ATP10B: variants seen among roughly 807,000 people sequenced by gnomAD.
ATP10B encodes the protein ATPase phospholipid transporting 10B (putative).
A neutral mutation model predicts 141.2 loss-of-function variants in ATP10B; 122 were observed. The observed-to-expected ratio is 0.86, with a 90% CI of 0.75 to 1.00. The LOEUF (loss-of-function observed/expected upper bound fraction) is 1.00, where lower values mean the gene tolerates loss of function less well. Among genes scored for constraint, ATP10B ranks in the 50% least tolerant of loss-of-function variants. ATP10B has a pLI of 0.00. For missense variants in ATP10B, 1,876 were observed against 1,825.3 expected, an observed-to-expected ratio of 1.03 and a Z score of -0.51; for synonymous variants, 685 against 692.0, an observed-to-expected ratio of 0.99 and a Z score of 0.16.
intron 1 of ATP10B, among the ~76,000 whole-genome samples, chr5:160,813,014 T>C (rs1773282870): frequency 6.6e-6 from 1 of 152,194 alleles, no homozygotes; most frequent in Non-Finnish European, 1.5e-5. Context: ...AATAGCAAGA[T>C]GGCCAAATAG....
chr5:160,588,087 AT>A (rs1756030707), intron 24 of ATP10B, among the ~76,000 whole-genome samples: 1 of 152,086 alleles, frequency 6.6e-6, no homozygotes, highest in Non-Finnish European at 1.5e-5. Flanking sequence ...TCACCTTGTG[AT>A]CTGCCCACCT....
At chr5:160,849,308 A>G (rs1332870147) in intron 1 of ATP10B, among the ~76,000 whole-genome samples, 2 of 152,138 alleles carry the variant, frequency 1.3e-5, no homozygotes, top group African/African-American at 4.8e-5. Flanking sequence ...TCAGATTGAT[A>G]CTGCACCATA....
intron 1 of ATP10B, among the ~76,000 whole-genome samples, chr5:160,824,545 A>G (rs142687996): frequency 1.1e-3 from 170 of 152,300 alleles, no homozygotes; most frequent in Non-Finnish European, 1.7e-3. Context: ...TTGTGTGTAC[A>G]TTATGGAGTG....
At chr5:160,913,505 A>G in the ATP10B span, among the ~76,000 whole-genome samples, 1 of 152,172 alleles carries the variant, frequency 6.6e-6, no homozygotes, top group South Asian at 2.1e-4. Context: ...TGCATTTACA[A>G]GTGTCCTCCC....
At chr5:160,860,011 A>G in the ATP10B span, among the ~76,000 whole-genome samples, 3 of 151,840 alleles carry the variant, frequency 2.0e-5, no homozygotes, top group East Asian at 3.9e-4. Context: ...GAATAAATGT[A>G]TATTACTCTT....
the ATP10B span, among the ~76,000 whole-genome samples, chr5:160,864,693 AG>A: frequency 6.6e-6 from 1 of 152,052 alleles, no homozygotes; most frequent in Non-Finnish European, 1.5e-5. Context: ...TTATCCAAAA[AG>A]CTCAGACCTG....
chr5:160,605,882 C>A (rs1240234930), intron 19 of ATP10B, among the ~76,000 whole-genome samples: 1 of 152,182 alleles, frequency 6.6e-6, no homozygotes, highest in Non-Finnish European at 1.5e-5. Flanking sequence ...GAGGCCATCA[C>A]AGAAGGTATG....
the ATP10B span, among the ~76,000 whole-genome samples, chr5:160,893,062 A>T: frequency 7.2e-5 from 11 of 152,248 alleles, no homozygotes; most frequent in East Asian, 2.1e-3. Flanking sequence ...AGACCAGGAG[A>T]TTCCCTCGGG....
At chr5:160,858,537 G>T in the ATP10B span, among the ~76,000 whole-genome samples, 1 of 151,858 alleles carries the variant, frequency 6.6e-6, no homozygotes, top group East Asian at 1.9e-4. Context: ...GGAGGAAAAA[G>T]GCAGGCTGCA....
At chr5:160,750,877 A>G (rs1768107898) in intron 2 of ATP10B, among the ~76,000 whole-genome samples, 1 of 152,136 alleles carries the variant, frequency 6.6e-6, no homozygotes, top group South Asian at 2.1e-4. Context: ...GGGCCTCTGC[A>G]TGGTTCACTC....
At chr5:160,811,799 G>A (rs1444327703) in intron 1 of ATP10B, among the ~76,000 whole-genome samples, 1 of 152,160 alleles carries the variant, frequency 6.6e-6, no homozygotes, top group Non-Finnish European at 1.5e-5. Context: ...ATACAAACCT[G>A]GCTGCCATTG....
chr5:160,695,015 GCTGA>G (rs1327020011), intron 3 of ATP10B, among the ~76,000 whole-genome samples: 1 of 152,202 alleles, frequency 6.6e-6, no homozygotes, highest in Non-Finnish European at 1.5e-5. Context: ...TATAGAAAGG[GCTGA>G]AGAAAGCAGA....
At chr5:160,730,181 A>G (rs1306364129) in intron 2 of ATP10B, among the ~76,000 whole-genome samples, 1 of 152,166 alleles carries the variant, frequency 6.6e-6, no homozygotes, top group Non-Finnish European at 1.5e-5. Flanking sequence ...GAGTTTACCT[A>G]TTCTTGTTCT....
intron 6 of ATP10B, among the ~76,000 whole-genome samples, chr5:160,675,517 T>C (rs756943466): frequency 2.0e-5 from 3 of 152,088 alleles, no homozygotes; most frequent in Non-Finnish European, 4.4e-5. Flanking sequence ...TTCTCAAGCA[T>C]CTGGATTTTA....
At chr5:160,629,200 C>T (rs565643646) in intron 13 of ATP10B, among the ~76,000 whole-genome samples, 59 of 151,336 alleles carry the variant, frequency 3.9e-4, no homozygotes, top group African/African-American at 1.4e-3. Context: ...GGGACAAGTG[C>T]AGAGAGTCTG....
chr5:160,798,441 AAGAC>A (rs1269163461), intron 1 of ATP10B, among the ~76,000 whole-genome samples: 3 of 152,198 alleles, frequency 2.0e-5, no homozygotes, highest in Non-Finnish European at 2.9e-5. Flanking sequence ...TGCAGAGACA[AAGAC>A]AGAGACAGAC....
chr5:160,682,821 C>T (rs1244580678), intron 6 of ATP10B, among the ~76,000 whole-genome samples: 2 of 152,054 alleles, frequency 1.3e-5, no homozygotes, highest in South Asian at 2.1e-4. Flanking sequence ...GGGCGGATCA[C>T]GAAGTCAGGA....
the ATP10B span, among the ~76,000 whole-genome samples, chr5:160,883,708 C>T: frequency 3.9e-5 from 6 of 152,082 alleles, no homozygotes; most frequent in African/African-American, 1.4e-4. Flanking sequence ...ATTGCTAGAG[C>T]AGAAGTGTAA....
intron 1 of ATP10B, among the ~76,000 whole-genome samples, chr5:160,796,559 C>T (rs1481643344): frequency 7.9e-6 from 1 of 127,288 alleles, no homozygotes; most frequent in Non-Finnish European, 1.7e-5. Context: ...ATCCCTAGGA[C>T]CCCCAGCGGT....
Sources: allele counts gnomAD v4.1 joint callset (sites outside exome capture counted in the v4.1 genomes callset), GRCh38; gene constraint gnomAD v4.1.1; transcripts MANE v1.5; gene names NCBI Gene and HGNC (gene_info 2026-07-23, HGNC 2026-07-21).